The following PID1 variants were observed in gnomAD, a reference collection of about 807,000 sequenced individuals.
PID1 encodes PTB-containing, cubilin and LRP1-interacting protein.
In PID1, 10 loss-of-function variants were observed where a neutral mutation model predicts 19.1. The ratio of observed to expected loss-of-function variants is 0.52; its 90% CI spans 0.32 to 0.89. PID1 has a LOEUF of 0.89. PID1 is among the 40% of genes least tolerant of loss of function. The pLI is 0.03. For missense variants in PID1, 248 were observed against 285.3 expected, an observed-to-expected ratio of 0.87 and a Z score of 0.94; for synonymous variants, 130 against 116.0, an observed-to-expected ratio of 1.12 and a Z score of -0.78.
chr2:229,025,858 C>T lies in PID1; in HGVS notation c.428G>A (p.Ser143Asn), dbSNP rs1693404866. Residue 143 changes from serine (S) to asparagine (N), a missense_variant, in exon 3 of 3, where the codon AGC becomes AAC. Physicochemically the swap from Ser to Asn is conservative, Grantham distance 46. Coordinates refer to ENST00000392055, the MANE Select transcript of PID1 (RefSeq NM_001100818.2). Reference sequence around the variant, plus strand: ...GTAGACCCAGGCGAAGATGTTGGGGCTCACGTTGTGGTCGGCGGTGCAGTA... The same window carrying T: ...GTAGACCCAGGCGAAGATGTTGGGGTTCACGTTGTGGTCGGCGGTGCAGTA... ...IAYCTADHNV[S>N]PNIFAWVYRE... 1 of 1,614,124 alleles carries T rather than the reference C, an allele frequency of 6.2e-7. No individual in the cohort carries two copies. The highest frequency in any genetic ancestry group is 1.7e-5 in the Admixed American group (1 of 60,012).
chr2:229,026,491 A>G (rs980449449), intron 2 of PID1, among the ~76,000 whole-genome samples: 7 of 152,196 alleles, frequency 4.6e-5, no homozygotes, highest in African/African-American at 1.7e-4. Flanking sequence ...AGAATTGAAT[A>G]ATAGGAAGGA....
At chr2:229,257,792 G>A (rs958098171) in intron 1 of PID1, among the ~76,000 whole-genome samples, 4 of 152,146 alleles carry the variant, frequency 2.6e-5, no homozygotes, top group East Asian at 1.9e-4. Context: ...TTTACTGAGG[G>A]TCAGTTGCCA....
chr2:229,246,679 T>C (rs73998599), intron 1 of PID1, among the ~76,000 whole-genome samples: 1,657 of 152,268 alleles, frequency 0.011, 24 homozygotes, highest in African/African-American at 0.038. Flanking sequence ...CAAAACTCAC[T>C]AGGCAAGGCC....
At chr2:229,092,341 T>C (rs566364139) in intron 2 of PID1, among the ~76,000 whole-genome samples, 98 of 152,252 alleles carry the variant, frequency 6.4e-4, no homozygotes, top group Non-Finnish European at 1.2e-3. Flanking sequence ...AGCACTTATC[T>C]GAAACAAGTG....
chr2:229,197,724 T>C (rs975867411), intron 1 of PID1, among the ~76,000 whole-genome samples: 2 of 152,024 alleles, frequency 1.3e-5, no homozygotes, highest in African/African-American at 4.8e-5. Context: ...ATAATCCCTC[T>C]TGCTTTTATT....
At chr2:229,098,063 C>G (rs1308808677) in intron 2 of PID1, among the ~76,000 whole-genome samples, 1 of 152,154 alleles carries the variant, frequency 6.6e-6, no homozygotes, top group Non-Finnish European at 1.5e-5. Context: ...TTCAGAGGCC[C>G]ATTGAATCAT....
intron 2 of PID1, among the ~76,000 whole-genome samples, chr2:229,050,456 C>T (rs571725341): frequency 2.8e-4 from 43 of 152,236 alleles, no homozygotes; most frequent in African/African-American, 8.4e-4. Flanking sequence ...AGAGTGTTTT[C>T]GATTATACTG....
chr2:229,109,955 AG>A (rs1159039207), intron 2 of PID1, among the ~76,000 whole-genome samples: 1 of 152,200 alleles, frequency 6.6e-6, no homozygotes, highest in African/African-American at 2.4e-5. Flanking sequence ...CATATTAAAG[AG>A]GACTCCAATT....
intron 2 of PID1, among the ~76,000 whole-genome samples, chr2:229,117,005 G>A (rs1176693721): frequency 2.6e-5 from 4 of 151,998 alleles, no homozygotes; most frequent in East Asian, 1.9e-4. Context: ...GGACCTCTTC[G>A]CTTCTCATGT....
At chr2:229,163,506 T>TC (rs1208544782) in intron 1 of PID1, among the ~76,000 whole-genome samples, 2 of 151,666 alleles carry the variant, frequency 1.3e-5, no homozygotes, top group African/African-American at 4.8e-5. Context: ...GAAGCATTTT[T>TC]TTTTTTACCT....
In PID1 at chr2:229,140,138, G is replaced by A. The variant is rs564509961; in HGVS notation, c.177+15680C>T. On this transcript the variant is annotated intron_variant, in intron 2 of 2. Coordinates refer to ENST00000392055, the MANE Select transcript of PID1 (RefSeq NM_001100818.2). ...GAAGCTACATAATAGAATCACCTAG[G>A]TTGTGGACAGAATATATTAAAATTT... Among the ~76,000 whole-genome samples the A allele has an allele frequency of 3.6e-4, 55 of 152,174 alleles. No homozygotes were observed. In the Middle Eastern group the frequency reaches 0.014, roughly 38 times the overall value.
intron 2 of PID1, among the ~76,000 whole-genome samples, chr2:229,075,901 T>C (rs1019054734): frequency 6.6e-6 from 1 of 152,192 alleles, no homozygotes; most frequent in African/African-American, 2.4e-5. Context: ...GAATCTCTTC[T>C]TCAGGGTGGT....
chr2:229,196,833 G>GT lies in PID1; in HGVS notation c.31-40870dup, dbSNP rs528240411. Among the ~76,000 whole-genome samples, 13 of 152,098 alleles carry GT rather than the reference G, an allele frequency of 8.5e-5. No individual in the cohort carries two copies. In the South Asian group the frequency reaches 2.7e-3, roughly 32 times the overall value. On this transcript the variant is annotated intron_variant, in intron 1 of 2. Transcript: ENST00000392055. The stretch of plus-strand genomic sequence containing the variant: ...TGTTTTTGTAAGGATTAGAAAGAAC[G>GT]TATGTTACATGCATTTCCTAGGGCA...
At chr2:229,199,729 T>TAC (rs1691454368) in intron 1 of PID1, among the ~76,000 whole-genome samples, 2 of 133,490 alleles carry the variant, frequency 1.5e-5, no homozygotes, top group African/African-American at 2.7e-5. Flanking sequence ...TTTATATATA[T>TAC]ATATATATAT....
chr2:229,232,663 A>G (rs1199565321), intron 1 of PID1, among the ~76,000 whole-genome samples: 2 of 146,068 alleles, frequency 1.4e-5, no homozygotes, highest in African/African-American at 5.0e-5. Context: ...GTGTGTGTGT[A>G]TGCATGTGTG....
At chr2:229,251,083 A>T (rs752651780) in intron 1 of PID1, among the ~76,000 whole-genome samples, 16 of 152,322 alleles carry the variant, frequency 1.1e-4, no homozygotes, top group African/African-American at 1.9e-4. Context: ...GAGTGCCCAA[A>T]TCTTTCAAGT....
At chr2:229,235,916 G>A (rs11885901) in intron 1 of PID1, among the ~76,000 whole-genome samples, 4,963 of 152,232 alleles carry the variant, frequency 0.033, 229 homozygotes, top group African/African-American at 0.11. Flanking sequence ...CCAGCTGGAC[G>A]CAAAAAGCAG....
chr2:229,099,016 G>T (rs564551383), intron 2 of PID1, among the ~76,000 whole-genome samples: 5 of 152,088 alleles, frequency 3.3e-5, no homozygotes, highest in Admixed American at 2.6e-4. Context: ...AGAGGATCAC[G>T]CCTGGCCAAG....
intron 2 of PID1, among the ~76,000 whole-genome samples, chr2:229,031,999 T>C (rs1693564767): frequency 6.6e-6 from 1 of 152,226 alleles, no homozygotes; most frequent in Admixed American, 6.5e-5. Flanking sequence ...TTAATAGAAA[T>C]GCATCTTATG....
Sources: allele counts gnomAD v4.1 joint callset (sites outside exome capture counted in the v4.1 genomes callset), GRCh38; gene constraint gnomAD v4.1.1; transcripts MANE v1.5; gene names NCBI Gene and HGNC (gene_info 2026-07-23, HGNC 2026-07-21).